Variants in LRRD1 observed in about 807,000 individuals in gnomAD.
LRRD1 encodes leucine-rich repeat and death domain-containing protein 1.
A neutral mutation model predicts 69.5 loss-of-function variants in LRRD1; 49 were observed. The observed-to-expected ratio is 0.70, with a 90% confidence interval of 0.56 to 0.89. LRRD1 has a LOEUF of 0.89. Ranked by LOEUF, LRRD1 falls within the 40% of genes least tolerant of loss-of-function variation. The pLI is 0.00. For synonymous variants in LRRD1, 303 were observed against 338.9 expected (o/e 0.89, Z 1.16); for missense variants, 853 against 956.0 (o/e 0.89, Z 1.42).
At chr7:92,168,327 T>C (rs896792659) in intron 1 of LRRD1, among the ~76,000 whole-genome samples, 8 of 152,098 alleles carry the variant, frequency 5.3e-5, no homozygotes, top group Non-Finnish European at 8.8e-5. Context: ...CCTCAACCCA[T>C]GGGAAGTACT....
intron 1 of LRRD1, among the ~76,000 whole-genome samples, chr7:92,177,553 CA>C (rs1789224726): frequency 6.6e-6 from 1 of 152,166 alleles, no homozygotes; most frequent in African/African-American, 2.4e-5. Context: ...AGAAGACAGG[CA>C]GATGACTCAT....
chr7:92,145,568 T>C (rs1340754221), intron 5 of LRRD1, among the ~76,000 whole-genome samples: 1 of 151,234 alleles, frequency 6.6e-6, no homozygotes, highest in African/African-American at 2.4e-5. Flanking sequence ...GCCTCCCGAG[T>C]AGCTGGGACT....
intron 2 of LRRD1, among the ~76,000 whole-genome samples, chr7:92,161,431 C>T (rs1295633738): frequency 2.6e-5 from 4 of 152,240 alleles, no homozygotes; most frequent in South Asian, 2.1e-4. Flanking sequence ...ACAACAGATA[C>T]GCAATTTGGA....
rs562840072 is a variant in LRRD1 at position 92,164,522 on chromosome 7, A to T, written c.681T>A (p.Pro227=). The T allele has an allele frequency of 2.0e-4, 312 of 1,549,726 alleles. 3 individuals are homozygous for T. The African/African-American group carries it at 3.8e-3, about 19-fold the overall frequency. Residue 227 remains proline, a synonymous_variant, in exon 2 of 6, where the codon CCT becomes CCA. Coordinates refer to ENST00000458448, the MANE Select transcript of LRRD1 (RefSeq NM_001161528.2). ...TATTCCCAAGCTGAGATATTTCTTTAGGTATATGTGATATGTGGTTATGAC... is the reference window on the plus strand; with the variant it reads ...TATTCCCAAGCTGAGATATTTCTTTTGGTATATGTGATATGTGGTTATGAC... The part of the protein sequence containing the change: ...NVSHNHISHI[P]KEISQLGNIR...
At chr7:92,148,411 G>A (rs1820382417) in intron 4 of LRRD1, among the ~76,000 whole-genome samples, 1 of 152,036 alleles carries the variant, frequency 6.6e-6, no homozygotes, top group African/African-American at 2.4e-5. Flanking sequence ...CATCCCGCGT[G>A]ATCAAATATG....
chr7:92,152,169 G>A (rs1443658237), intron 3 of LRRD1, among the ~76,000 whole-genome samples: 1 of 149,912 alleles, frequency 6.7e-6, no homozygotes. Context: ...GTGTGTGTGT[G>A]TAAAATATAT....
chr7:92,154,348 T>G (rs1193761758), intron 3 of LRRD1, among the ~76,000 whole-genome samples: 1 of 152,130 alleles, frequency 6.6e-6, no homozygotes, highest in Admixed American at 6.5e-5. Flanking sequence ...CAAGTGATCC[T>G]CCCACCTCAG....
At chr7:92,146,941 G>T (rs182163741) in intron 4 of LRRD1, among the ~76,000 whole-genome samples, 11 of 150,352 alleles carry the variant, frequency 7.3e-5, no homozygotes, top group Admixed American at 7.3e-4. Flanking sequence ...AAAAAAAAAT[G>T]ACAATGACAA....
chr7:92,164,601 GATA>G lies in LRRD1; in HGVS notation c.599_601del (p.Leu200del). The G allele has an allele frequency of 6.4e-7, 1 of 1,551,472 alleles. No homozygotes were observed. The highest frequency in any genetic ancestry group is 8.7e-7 in the Non-Finnish European group (1 of 1,146,658). On this transcript the variant is annotated inframe_deletion, in exon 2 of 6. Transcript: ENST00000458448. Reference sequence around the variant, plus strand: ...TAACTGAATTTCAGATGGAAGTGATGATAATCCATTTTCTTGCAGGGATAGAAT... The same window carrying G: ...TAACTGAATTTCAGATGGAAGTGATGATCCATTTTCTTGCAGGGATAGAAT...
intron 4 of LRRD1, among the ~76,000 whole-genome samples, chr7:92,150,302 A>G (rs1820433898): frequency 6.6e-6 from 1 of 152,008 alleles, no homozygotes; most frequent in African/African-American, 2.4e-5. Flanking sequence ...TGTCTCTACT[A>G]AAAGATTAAA....
intron 3 of LRRD1, among the ~76,000 whole-genome samples, chr7:92,152,212 T>C (rs989027783): frequency 6.6e-6 from 1 of 151,122 alleles, no homozygotes; most frequent in African/African-American, 2.4e-5. Context: ...TATATGTATA[T>C]ATACACACAC....
At chr7:92,142,907 C>T (rs900348929), downstream of LRRD1, 9 of 336,110 alleles carry the variant, frequency 2.7e-5, no homozygotes, top group East Asian at 8.2e-5. Context: ...TTGCAAAGAG[C>T]GAAAGAACAA....
chr7:92,163,776 A>G lies in LRRD1; in HGVS notation c.1427T>C (p.Ile476Thr). 6.6e-7 allele frequency: 1 copy of G among 1,508,238 alleles called. No homozygotes were observed. Among genetic ancestry groups the G allele is most frequent in the Non-Finnish European group, 8.8e-7 (1 of 1,131,922 alleles). 93.4% of individuals were successfully genotyped at this position (1,508,238 alleles called of 1,614,324 possible). A position where few individuals can be genotyped will look rare whatever the true frequency, so the allele number is the denominator to read the frequency against. Residue 476 changes from isoleucine to threonine, a missense_variant, in exon 2 of 6, where the codon ATA becomes ACA. By Grantham distance (89) the Ile-to-Thr change is moderately conservative (BLOSUM62 -1). Around this residue, in one of 3 missense-constraint regions of LRRD1, gnomAD observed 739 missense variants for 808.0 expected, o/e 0.91. Coordinates refer to ENST00000458448, the MANE Select transcript of LRRD1 (RefSeq NM_001161528.2). The stretch of plus-strand genomic sequence containing the variant: ...ACACAGTCCCAATGGAAAATACATT[A>G]TTTTGTTATAACTCAATTCAATTTT... ...IIKIELSYNK[I>T]MYFPLGLCAL...
intron 1 of LRRD1, among the ~76,000 whole-genome samples, chr7:92,177,618 A>G (rs1789226464): frequency 6.6e-6 from 1 of 152,148 alleles, no homozygotes; most frequent in African/African-American, 2.4e-5. Context: ...TGCAAGATTT[A>G]TGTTCTAGTC....
chr7:92,167,839 T>C (rs1788944860), intron 1 of LRRD1, among the ~76,000 whole-genome samples: 2 of 116,996 alleles, frequency 1.7e-5, no homozygotes, highest in African/African-American at 6.8e-5. Context: ...ATGGCGCCAT[T>C]GCACTCCAGC....
chr7:92,177,719 G>A (rs1390591777), intron 1 of LRRD1, among the ~76,000 whole-genome samples: 4 of 152,252 alleles, frequency 2.6e-5, no homozygotes, highest in Admixed American at 2.6e-4. Context: ...AAATTCCTGA[G>A]CAAATTATTG....
intron 3 of LRRD1, among the ~76,000 whole-genome samples, chr7:92,158,000 AAT>A (rs1309880737): frequency 2.0e-5 from 3 of 152,100 alleles, no homozygotes; most frequent in Non-Finnish European, 4.4e-5. Context: ...CTGAGCTAGA[AAT>A]TTTCTTTGTA....
At chr7:92,148,299 T>C (rs993427379) in intron 4 of LRRD1, among the ~76,000 whole-genome samples, 1 of 152,140 alleles carries the variant, frequency 6.6e-6, no homozygotes. Context: ...CTCGAACTCC[T>C]GGGCTCAAGC....
chr7:92,164,366 T>C lies in LRRD1; in HGVS notation c.837A>G (p.Leu279=). 1.9e-6 allele frequency: 3 copies of C among 1,549,324 alleles called. No individual in the cohort carries two copies. Among genetic ancestry groups the C allele is most frequent in the Non-Finnish European group, 2.6e-6 (3 of 1,146,238 alleles). ...CCAAATTGAGAACCCTCAAGGTTTT[T>C]AAACTAGGCAGAGTATCTGGTATAT... is the stretch of plus-strand genomic sequence containing the variant. ...LRHIPDTLPS[L]KTLRVLNLEY... is the part of the protein sequence containing the mutation. Residue 279 remains leucine (L), a synonymous_variant, in exon 2 of 6, where the codon TTA becomes TTG. Transcript: ENST00000458448.
Sources: gnomAD v4.1 joint callset for allele counts (sites outside exome capture counted in the v4.1 genomes callset) on GRCh38, gnomAD v4.1.1 for gene constraint, gnomAD v4.1.1 regional missense constraint, MANE v1.5 for transcripts, NCBI Gene and HGNC (gene_info 2026-07-23, HGNC 2026-07-21) for gene names.